SORL1-AS1: variants seen among roughly 807,000 people sequenced by gnomAD.
The protein encoded by SORL1-AS1 is SORL1 antisense RNA 1, also known as lncRNA 51 A.
chr11:121,444,096 G>T (rs1860696050), downstream of SORL1-AS1, among the ~76,000 whole-genome samples: 1 of 103,250 alleles, frequency 9.7e-6, no homozygotes, highest in African/African-American at 4.1e-5. Context: ...GTGCGCGTGG[G>T]TGTGTGTGTG....
At chr11:121,439,875 T>C in the SORL1-AS1 span, among the ~76,000 whole-genome samples, 3 of 152,352 alleles carry the variant, frequency 2.0e-5, no homozygotes, top group Middle Eastern at 3.4e-3. Context: ...TTTTTAAAAA[T>C]CAGTAAGACA....
the SORL1-AS1 span, among the ~76,000 whole-genome samples, chr11:121,441,530 C>CAAAAAAAAAAA: frequency 1.7e-3 from 89 of 52,328 alleles, 5 homozygotes; most frequent in African/African-American, 5.8e-3. Context: ...GACTCTGTCT[C>CAAAAAAAAAAA]AAAAAAAAAA....
At chr11:121,444,168 TCA>T (rs1250903830), downstream of SORL1-AS1, among the ~76,000 whole-genome samples, 2 of 152,206 alleles carry the variant, frequency 1.3e-5, no homozygotes, top group Non-Finnish European at 2.9e-5. Flanking sequence ...AAAACTAATC[TCA>T]GTTTTTATAG....
At chr11:121,444,256 A>G (rs746281402), downstream of SORL1-AS1, among the ~76,000 whole-genome samples, 61 of 152,378 alleles carry the variant, frequency 4.0e-4, 1 homozygote, top group Admixed American at 1.4e-3. Context: ...CTGAATGGCC[A>G]AATTGATTTA....
downstream of SORL1-AS1, among the ~76,000 whole-genome samples, chr11:121,442,575 C>T (rs1860668633): frequency 6.6e-6 from 1 of 151,444 alleles, no homozygotes; most frequent in South Asian, 2.1e-4. Context: ...GCGGAGGTTG[C>T]AGTGAGCTGA....
downstream of SORL1-AS1, among the ~76,000 whole-genome samples, chr11:121,446,277 C>T (rs529269001): frequency 6.6e-6 from 1 of 152,240 alleles, no homozygotes; most frequent in South Asian, 2.1e-4. Flanking sequence ...AGAACATGAT[C>T]AACATCTCAA....
At chr11:121,447,878 T>A (rs1350320838) in exon 2 of SORL1-AS1, 1 of 152,184 alleles carries the variant, frequency 6.6e-6, no homozygotes, top group Non-Finnish European at 1.5e-5. Flanking sequence ...CTACAGCCAC[T>A]CCCTTTCCTT....
downstream of SORL1-AS1, among the ~76,000 whole-genome samples, chr11:121,446,625 C>G (rs557964675): frequency 1.3e-5 from 2 of 152,150 alleles, no homozygotes; most frequent in African/African-American, 4.8e-5. Context: ...ATGACACATG[C>G]CTATAATCCC....
rs1214781556 is a variant in SORL1-AS1, at chr11:121,449,445, C to A, written n.794G>T. 2.0e-5 allele frequency: 3 copies of A among 152,346 alleles called. No individual in the cohort carries two copies. In the East Asian group the frequency reaches 5.8e-4, roughly 29 times the overall value. The allele number at this position is 152,346 out of a possible 1,614,324, so 9.4% of individuals were successfully genotyped here. Reference sequence around the variant, plus strand: ...CAGCTCTAACTCCTGTCCTGGGTGACCTTGCCTGTGGCTGCTCCTATCTCA... The same window carrying A: ...CAGCTCTAACTCCTGTCCTGGGTGAACTTGCCTGTGGCTGCTCCTATCTCA... On this transcript the variant is annotated non_coding_transcript_exon_variant, in exon 2 of 2. Transcript: ENST00000501964.
At chr11:121,451,908 C>A (rs1044035670) in intron 1 of SORL1-AS1, among the ~76,000 whole-genome samples, 1 of 152,014 alleles carries the variant, frequency 6.6e-6, no homozygotes, top group African/African-American at 2.4e-5. Flanking sequence ...AGGACGACCT[C>A]GACACGACCC....
At chr11:121,445,832 C>T (rs1425202138), downstream of SORL1-AS1, among the ~76,000 whole-genome samples, 2 of 152,034 alleles carry the variant, frequency 1.3e-5, no homozygotes, top group East Asian at 1.9e-4. Context: ...TATCTTTCTT[C>T]TCTTTCTCAA....
exon 2 of SORL1-AS1, chr11:121,449,612 A>G (rs1860764691): frequency 6.6e-6 from 1 of 152,234 alleles, no homozygotes; most frequent in Non-Finnish European, 1.5e-5. Flanking sequence ...CAGGACTAGA[A>G]TCTATGTTTC....
Position 121,452,403 on chromosome 11 carries a change from C to T in SORL1-AS1, n.339+272G>A, listed in dbSNP as rs1240295212. On this transcript the variant is annotated intron_variant and non_coding_transcript_variant, in intron 1 of 1. Transcript: ENST00000501964. This position sits in a 1 kb window ranked among gnomAD's most constrained non-coding sequence, Gnocchi z 5.3. Reference sequence around the variant, plus strand: ...TCACCCTGGTCGCACTGCTGCCGCCCGGAGCTCTCTGCGAAGTCTGGACGC... The same window carrying T: ...TCACCCTGGTCGCACTGCTGCCGCCTGGAGCTCTCTGCGAAGTCTGGACGC... 1 of 1,532,516 alleles carries T rather than the reference C, an allele frequency of 6.5e-7. No homozygotes were observed. Among genetic ancestry groups the T allele is most frequent in the Non-Finnish European group, 8.7e-7 (1 of 1,143,158 alleles). The allele number at this position is 1,532,516 out of a possible 1,614,324, so 94.9% of individuals were successfully genotyped here. A position where few individuals can be genotyped will look rare whatever the true frequency, so the allele number is the denominator to read the frequency against.
chr11:121,444,925 TA>T (rs1410337332), downstream of SORL1-AS1, among the ~76,000 whole-genome samples: 2 of 152,190 alleles, frequency 1.3e-5, no homozygotes, highest in Non-Finnish European at 2.9e-5. Context: ...TCTGTTGAAA[TA>T]ACCATTGAAA....
chr11:121,449,527 C>A (rs1170200181), exon 2 of SORL1-AS1: 1 of 152,186 alleles, frequency 6.6e-6, no homozygotes, highest in Non-Finnish European at 1.5e-5. Context: ...GGTGTCTTTT[C>A]ATTTAACTTA....
chr11:121,442,538 G>A (rs1019844128), downstream of SORL1-AS1, among the ~76,000 whole-genome samples: 2 of 151,776 alleles, frequency 1.3e-5, no homozygotes, highest in African/African-American at 2.4e-5. Context: ...AGGAGGCTGA[G>A]GCAGGAGAAT....
At position 121,452,556 on chromosome 11, in the gene SORL1-AS1, G is replaced by A. The variant is rs1285913660; in HGVS notation, n.339+119C>T. On this transcript the variant is annotated intron_variant and non_coding_transcript_variant, in intron 1 of 1. Coordinates refer to ENST00000501964, the Ensembl canonical transcript of SORL1-AS1. The surrounding 1 kb of genome is among the most constrained non-coding windows in gnomAD (Gnocchi z 5.3). ...GGGGGGCGAGCCGCGCGGACGAGAAGCCGCTCCGGAGGAAACGGAGCGCTG... is the reference window on the plus strand; with the variant it reads ...GGGGGGCGAGCCGCGCGGACGAGAAACCGCTCCGGAGGAAACGGAGCGCTG... 1 of 1,510,154 alleles carries A rather than the reference G, an allele frequency of 6.6e-7. No homozygotes were observed. The highest frequency in any genetic ancestry group is 1.4e-5 in the African/African-American group (1 of 69,542). 93.5% of individuals were successfully genotyped at this position (1,510,154 alleles called of 1,614,324 possible).
Position 121,452,739 on chromosome 11 carries a change from A to G in SORL1-AS1, n.275T>C. On this transcript the variant is annotated non_coding_transcript_exon_variant, in exon 1 of 2. Transcript: ENST00000501964. This position sits in a 1 kb window ranked among gnomAD's most constrained non-coding sequence, Gnocchi z 5.3. ...CACCACTGGGGACTTCCCGGCTTGC[A>G]TTTGTTTTTTTCCTTCACGAGTACA... The G allele has an allele frequency of 2.3e-6, 2 of 883,856 alleles. No homozygotes were observed. Among genetic ancestry groups the G allele is most frequent in the Non-Finnish European group, 1.6e-6 (1 of 632,946 alleles). The allele number at this position is 883,856 out of a possible 1,614,324, so 54.8% of individuals were successfully genotyped here. A position where few individuals can be genotyped will look rare whatever the true frequency, so the allele number is the denominator to read the frequency against.
At chr11:121,442,033 C>T in the SORL1-AS1 span, among the ~76,000 whole-genome samples, 118 of 152,250 alleles carry the variant, frequency 7.8e-4, no homozygotes, top group African/African-American at 2.7e-3. Context: ...TTTTGATAGA[C>T]AGAGTAGCTG....
Sources: gnomAD v4.1 joint callset for allele counts (sites outside exome capture counted in the v4.1 genomes callset) on GRCh38, gnomAD v4.1.1 for gene constraint, Gnocchi (gnomAD v3.1) non-coding constraint, MANE v1.5 for transcripts, NCBI Gene and HGNC (gene_info 2026-07-23, HGNC 2026-07-21) for gene names.